RSBN1L: variants seen among roughly 807,000 people sequenced by gnomAD.
The protein encoded by RSBN1L is round spermatid basic protein 1 like.
In RSBN1L, 30 loss-of-function variants were observed where a neutral mutation model predicts 67.7. The ratio of observed to expected loss-of-function variants is 0.44; its 90% CI spans 0.33 to 0.60. The LOEUF (loss-of-function observed/expected upper bound fraction) is 0.60. Among genes scored for constraint, RSBN1L ranks in the 20% least tolerant of loss-of-function variants. The probability of loss-of-function intolerance (pLI) is 0.02; values close to 1 mark genes in which losing one functional copy is unlikely to be tolerated. For synonymous variants in RSBN1L, 433 were observed against 387.0 expected (o/e 1.12, Z -1.39); for missense variants, 992 against 1,031.7 (o/e 0.96, Z 0.53).
chr7:77,740,867 C>G (rs1174261717), intron 2 of RSBN1L, among the ~76,000 whole-genome samples: 1 of 151,980 alleles, frequency 6.6e-6, no homozygotes, highest in African/African-American at 2.4e-5. Context: ...CTGGCACACT[C>G]TCTCTGGCTC....
intron 3 of RSBN1L, among the ~76,000 whole-genome samples, chr7:77,755,149 G>A (rs892592442): frequency 1.3e-5 from 2 of 152,076 alleles, no homozygotes; most frequent in Non-Finnish European, 2.9e-5. Flanking sequence ...AAGAGCAGAG[G>A]TACCAATATT....
At chr7:77,709,927 C>T (rs1346240821) in intron 1 of RSBN1L, among the ~76,000 whole-genome samples, 1 of 152,138 alleles carries the variant, frequency 6.6e-6, no homozygotes, top group Non-Finnish European at 1.5e-5. Flanking sequence ...TTTTAGTCTT[C>T]TTTATCCAGA....
intron 1 of RSBN1L, among the ~76,000 whole-genome samples, chr7:77,699,292 C>T (rs904624891): frequency 3.3e-5 from 5 of 152,128 alleles, no homozygotes; most frequent in African/African-American, 1.2e-4. Flanking sequence ...AAGAGATTCT[C>T]CCTCAACAAA....
rs560916107 is a variant in RSBN1L, at chr7:77,779,171, T to G, written c.*3T>G. The G allele has an allele frequency of 6.4e-7, 1 of 1,560,520 alleles. No homozygotes were observed. Among genetic ancestry groups the G allele is most frequent in the African/African-American group, 1.4e-5 (1 of 72,310 alleles). On this transcript the variant is annotated 3_prime_UTR_variant, in exon 8 of 8. Coordinates refer to ENST00000334955, the MANE Select transcript of RSBN1L (RefSeq NM_198467.3). ...AAGACGATGACATTTTGTGCTAAAT[T>G]TGCATATACCATCTAAAATCCTTTT...
At chr7:77,718,257 C>CT (rs1554337761) in intron 1 of RSBN1L, among the ~76,000 whole-genome samples, 3 of 152,072 alleles carry the variant, frequency 2.0e-5, no homozygotes, top group South Asian at 2.1e-4. Flanking sequence ...TATATTAAGC[C>CT]TTTTTTCTTT....
intron 1 of RSBN1L, among the ~76,000 whole-genome samples, chr7:77,731,443 C>T (rs1413360417): frequency 6.6e-6 from 1 of 152,120 alleles, no homozygotes; most frequent in East Asian, 1.9e-4. Context: ...ATCATGTTGC[C>T]CAGGCTGGTC....
chr7:77,718,011 T>C (rs868845154), intron 1 of RSBN1L, among the ~76,000 whole-genome samples: 4 of 152,160 alleles, frequency 2.6e-5, no homozygotes, highest in South Asian at 2.1e-4. Flanking sequence ...AGAGCGAGAC[T>C]GTGTCTCAGA....
At chr7:77,764,833 A>G (rs1269186660) in intron 3 of RSBN1L, among the ~76,000 whole-genome samples, 8 of 152,088 alleles carry the variant, frequency 5.3e-5, no homozygotes, top group African/African-American at 9.6e-5. Flanking sequence ...GGGTTTCACC[A>G]TGTTGGCCAG....
At chr7:77,709,114 G>T (rs1314144328) in intron 1 of RSBN1L, among the ~76,000 whole-genome samples, 2 of 151,516 alleles carry the variant, frequency 1.3e-5, no homozygotes, top group African/African-American at 2.4e-5. Context: ...TCAGTGGTAA[G>T]GGTTAAAAAT....
At chr7:77,747,730 A>G (rs935580316) in intron 2 of RSBN1L, among the ~76,000 whole-genome samples, 3 of 152,290 alleles carry the variant, frequency 2.0e-5, no homozygotes, top group South Asian at 2.1e-4. Flanking sequence ...TCACTTCCAC[A>G]TTGTCAGATG....
At chr7:77,697,124 G>T in intron 1 of RSBN1L, 69 bp downstream of exon 1, 1 of 1,302,868 alleles carries the variant, frequency 7.7e-7, no homozygotes, top group Non-Finnish European at 9.7e-7. Flanking sequence ...CGCCCACGGG[G>T]CCCGGGAAGG....
At chr7:77,776,475 C>G (rs1317852025) in intron 6 of RSBN1L, among the ~76,000 whole-genome samples, 1 of 152,194 alleles carries the variant, frequency 6.6e-6, no homozygotes, top group Non-Finnish European at 1.5e-5. Flanking sequence ...TACTTTCTGT[C>G]TGTAGGTATA....
At chr7:77,710,797 T>C (rs1040772748) in intron 1 of RSBN1L, among the ~76,000 whole-genome samples, 1 of 152,046 alleles carries the variant, frequency 6.6e-6, no homozygotes, top group African/African-American at 2.4e-5. Context: ...AGTTCCACCA[T>C]GTTGGCCTGG....
intron 5 of RSBN1L, among the ~76,000 whole-genome samples, chr7:77,769,338 T>C (rs905530771): frequency 6.6e-6 from 1 of 152,162 alleles, no homozygotes; most frequent in African/African-American, 2.4e-5. Context: ...AAATAGATCA[T>C]TGGAATAAGA....
In RSBN1L at chr7:77,746,141, A is replaced by G. The variant is rs570876318; in HGVS notation, c.704-3283A>G. ...TGCCTGCATTAAAGGATAGTGTATT[A>G]GTCCATTTTCGCACTTCTATAAAGA... On this transcript the variant is annotated intron_variant, in intron 2 of 7. Transcript: ENST00000334955. 3.3e-5 allele frequency among the ~76,000 whole-genome samples: 5 copies of G among 152,284 alleles called. No individual in the cohort carries two copies. The East Asian group carries it at 9.6e-4, about 29-fold the overall frequency.
chr7:77,751,331 G>C (rs1791554080), intron 3 of RSBN1L, among the ~76,000 whole-genome samples: 1 of 151,998 alleles, frequency 6.6e-6, no homozygotes, highest in Admixed American at 6.5e-5. Flanking sequence ...GTAGAGACAG[G>C]GTTTCGCTAT....
chr7:77,766,461 A>AG (rs1791767584), intron 4 of RSBN1L, among the ~76,000 whole-genome samples: 1 of 151,602 alleles, frequency 6.6e-6, no homozygotes, highest in South Asian at 2.1e-4. Context: ...CTGGGATTAC[A>AG]GGTGTGAGCC....
intron 1 of RSBN1L, among the ~76,000 whole-genome samples, chr7:77,707,753 T>C (rs750434617): frequency 6.6e-6 from 1 of 152,198 alleles, no homozygotes; most frequent in Non-Finnish European, 1.5e-5. Flanking sequence ...ATGACTGGCA[T>C]CTATATCAAG....
chr7:77,707,064 C>A (rs945652764), intron 1 of RSBN1L, among the ~76,000 whole-genome samples: 20 of 148,378 alleles, frequency 1.3e-4, no homozygotes, highest in Non-Finnish European at 1.9e-4. Context: ...CACTCTGTCA[C>A]CCAGGCTGGA....
Sources: gnomAD v4.1 joint callset for allele counts (sites outside exome capture counted in the v4.1 genomes callset) on GRCh38, gnomAD v4.1.1 for gene constraint, MANE v1.5 for transcripts, NCBI Gene and HGNC (gene_info 2026-07-23, HGNC 2026-07-21) for gene names.